The following ELOVL2 variants were observed in gnomAD, a reference collection of about 807,000 sequenced individuals.
The protein encoded by ELOVL2 is very long chain fatty acid elongase 2.
ELOVL2 carries 38 observed loss-of-function variants against 37.7 expected under a neutral mutation model. That is an observed-to-expected ratio of 1.01 (90% confidence interval 0.78 to 1.32). The LOEUF (loss-of-function observed/expected upper bound fraction) is 1.32, where lower values mean the gene tolerates loss of function less well. Among genes scored for constraint, ELOVL2 ranks in the 40% most tolerant of loss-of-function variants. ELOVL2 has a pLI of 0.00. For missense variants in ELOVL2, 352 were observed against 363.6 expected (o/e 0.97, Z 0.26); for synonymous variants, 115 against 122.3 (o/e 0.94, Z 0.40).
In ELOVL2 at chr6:10,994,974, C is replaced by A. The variant is rs1399783145; in HGVS notation, c.505+33G>T. 4 of 1,531,998 alleles carry A rather than the reference C, an allele frequency of 2.6e-6. No homozygotes were observed. The African/African-American group carries it at 4.1e-5, about 16-fold the overall frequency. The allele number at this position is 1,531,998 out of a possible 1,614,324, so 94.9% of individuals were successfully genotyped here. Reference sequence around the variant, plus strand: ...GCACCAGTGGTCTCTAAGAGCCATTCCTCAAAACGGAAAAATTAACAAAAT... The same window carrying A: ...GCACCAGTGGTCTCTAAGAGCCATTACTCAAAACGGAAAAATTAACAAAAT... On this transcript the variant is annotated intron_variant, in intron 5 of 7. Coordinates refer to ENST00000354666, the MANE Select transcript of ELOVL2 (RefSeq NM_017770.4).
intron 3 of ELOVL2, among the ~76,000 whole-genome samples, chr6:11,004,452 CTT>C (rs1238465710): frequency 4.8e-5 from 7 of 144,624 alleles, no homozygotes; most frequent in Admixed American, 2.8e-4. Flanking sequence ...TTATTTAACA[CTT>C]TTAGATTTCC....
At chr6:10,995,726 T>C (rs972885913) in intron 4 of ELOVL2, among the ~76,000 whole-genome samples, 1 of 152,246 alleles carries the variant, frequency 6.6e-6, no homozygotes, top group Admixed American at 6.5e-5. Context: ...TTACTTTAAC[T>C]GTGGCTCCAT....
In ELOVL2 at chr6:10,982,896, T is replaced by C. The variant is rs1042941730; in HGVS notation, c.*885A>G. 6 of 152,232 alleles carry C rather than the reference T, an allele frequency of 3.9e-5. No individual in the cohort carries two copies. Among genetic ancestry groups the C allele is most frequent in the Non-Finnish European group, 8.8e-5 (6 of 68,044 alleles). The allele number at this position is 152,232 out of a possible 1,614,324, so 9.4% of individuals were successfully genotyped here. On this transcript the variant is annotated 3_prime_UTR_variant, in exon 8 of 8. Transcript: ENST00000354666. ...TTCTGCTAGTTCTGATTTATACATA[T>C]TCCAGCAGCATGCATGTTCAAAGAA...
At chr6:10,996,983 C>T (rs1782282065) in intron 4 of ELOVL2, among the ~76,000 whole-genome samples, 1 of 152,184 alleles carries the variant, frequency 6.6e-6, no homozygotes. Flanking sequence ...GCACTCCAGC[C>T]TGGGCAACAA....
At position 10,981,855 on chromosome 6, in the gene ELOVL2, C is replaced by G. The variant is rs192834243; in HGVS notation, c.*1926G>C. ...TTTCAGCCTATATTTGAGATCTAAA[C>G]TGAACTAGGGTCCAGTTTCTCCAAA... On this transcript the variant is annotated 3_prime_UTR_variant, in exon 8 of 8. Transcript: ENST00000354666. The G allele has an allele frequency of 6.6e-6, 1 of 152,214 alleles. No homozygotes were observed. Among genetic ancestry groups the G allele is most frequent in the Admixed American group, 6.5e-5 (1 of 15,280 alleles). The allele number at this position is 152,214 out of a possible 1,614,324, so 9.4% of individuals were successfully genotyped here.
At chr6:10,992,134 T>C (rs944675583) in intron 5 of ELOVL2, among the ~76,000 whole-genome samples, 12 of 152,342 alleles carry the variant, frequency 7.9e-5, no homozygotes, top group African/African-American at 2.2e-4. Context: ...AAGAAATGGA[T>C]GTCTACCCGT....
At chr6:11,004,010 G>A (rs186614371) in intron 3 of ELOVL2, among the ~76,000 whole-genome samples, 80 of 152,040 alleles carry the variant, frequency 5.3e-4, no homozygotes, top group African/African-American at 1.7e-3. Context: ...TTGAACCCAG[G>A]AGGTGGAGGT....
chr6:11,043,318 G>C (rs975084720), intron 1 of ELOVL2, among the ~76,000 whole-genome samples: 1 of 151,898 alleles, frequency 6.6e-6, no homozygotes, highest in Non-Finnish European at 1.5e-5. Flanking sequence ...AGTCCTTTGA[G>C]GATGGCACAA....
intron 1 of ELOVL2, among the ~76,000 whole-genome samples, chr6:11,030,907 C>T (rs1415884967): frequency 1.3e-5 from 2 of 152,176 alleles, no homozygotes; most frequent in African/African-American, 4.8e-5. Flanking sequence ...GTCCCCTGTT[C>T]ATTCATCAGA....
At chr6:10,996,961 G>T (rs1419071290) in intron 4 of ELOVL2, among the ~76,000 whole-genome samples, 1 of 152,168 alleles carries the variant, frequency 6.6e-6, no homozygotes, top group Non-Finnish European at 1.5e-5. Context: ...ACTGAGCCGA[G>T]ATGGCACCAC....
intron 1 of ELOVL2, among the ~76,000 whole-genome samples, chr6:11,012,746 C>T (rs1054117806): frequency 6.6e-6 from 1 of 152,108 alleles, no homozygotes; most frequent in African/African-American, 2.4e-5. Context: ...GCATTCCATT[C>T]CTTTATTCAT....
chr6:11,026,481 G>A (rs1411074920), intron 1 of ELOVL2, among the ~76,000 whole-genome samples: 1 of 152,076 alleles, frequency 6.6e-6, no homozygotes, highest in African/African-American at 2.4e-5. Context: ...ATCCTTCTGG[G>A]CTATAACAGG....
intron 1 of ELOVL2, among the ~76,000 whole-genome samples, chr6:11,032,457 T>A (rs1374083468): frequency 6.6e-6 from 1 of 151,988 alleles, no homozygotes; most frequent in African/African-American, 2.4e-5. Context: ...CATGGACAAA[T>A]CCTGGAAATT....
At chr6:11,005,860 CTAAAT>C (rs1459812463) in intron 2 of ELOVL2, among the ~76,000 whole-genome samples, 1 of 151,982 alleles carries the variant, frequency 6.6e-6, no homozygotes, top group Non-Finnish European at 1.5e-5. Flanking sequence ...TTTATTTACT[CTAAAT>C]TAATATGAAG....
chr6:11,000,075 C>T lies in ELOVL2; in HGVS notation c.333+12G>A, dbSNP rs765912450. ...CTGGTTATAGTTGGTTGATTTGCTT[C>T]TAGTGGCTCACCCGGATGTCAGCTT... is the stretch of plus-strand genomic sequence containing the variant. On this transcript the variant is annotated intron_variant, in intron 4 of 7. Transcript: ENST00000354666. The T allele has an allele frequency of 6.2e-7, 1 of 1,613,656 alleles. No homozygotes were observed. The highest frequency in any genetic ancestry group is 8.5e-7 in the Non-Finnish European group (1 of 1,179,552).
chr6:11,010,474 T>C (rs1225491819), intron 2 of ELOVL2, among the ~76,000 whole-genome samples: 1 of 152,250 alleles, frequency 6.6e-6, no homozygotes, highest in Non-Finnish European at 1.5e-5. Flanking sequence ...CCCGGCTTTG[T>C]AGCCAGACAG....
At chr6:10,997,938 T>G (rs568345304) in intron 4 of ELOVL2, among the ~76,000 whole-genome samples, 50 of 152,200 alleles carry the variant, frequency 3.3e-4, no homozygotes, top group Non-Finnish European at 5.7e-4. Flanking sequence ...AATCTCATGT[T>G]GAAATGTCAT....
chr6:11,011,786 T>C (rs1027756589), intron 1 of ELOVL2, among the ~76,000 whole-genome samples: 4 of 152,202 alleles, frequency 2.6e-5, no homozygotes, highest in African/African-American at 9.7e-5. Context: ...CATGGTCTGC[T>C]CTCACGCTGC....
At chr6:11,027,572 T>A (rs1230312567) in intron 1 of ELOVL2, among the ~76,000 whole-genome samples, 2 of 152,222 alleles carry the variant, frequency 1.3e-5, no homozygotes, top group African/African-American at 4.8e-5. Flanking sequence ...CCCATTCAAC[T>A]GTTACCCATA....
Sources: allele counts gnomAD v4.1 joint callset (sites outside exome capture counted in the v4.1 genomes callset), GRCh38; gene constraint gnomAD v4.1.1; transcripts MANE v1.5; gene names NCBI Gene and HGNC (gene_info 2026-07-23, HGNC 2026-07-21).